CRPPA: variants seen among roughly 807,000 people sequenced by gnomAD.
CRPPA encodes the protein D-ribitol-5-phosphate cytidylyltransferase.
In CRPPA, 43 loss-of-function variants were observed where a neutral mutation model predicts 52.0. The ratio of observed to expected loss-of-function variants is 0.83; its 90% CI spans 0.65 to 1.07. The LOEUF is 1.07. Among genes scored for constraint, CRPPA ranks in the 50% least tolerant of loss-of-function variants. The pLI is 0.00. For synonymous variants in CRPPA, 250 were observed against 203.5 expected, an observed-to-expected ratio of 1.23 and a Z score of -1.94; for missense variants, 629 against 551.7, an observed-to-expected ratio of 1.14 and a Z score of -1.40.
At chr7:16,371,762 A>G (rs1168273269) in intron 3 of CRPPA, among the ~76,000 whole-genome samples, 1 of 152,072 alleles carries the variant, frequency 6.6e-6, no homozygotes. Flanking sequence ...TTATTAAGCT[A>G]TTCAAGGAGA....
intron 9 of CRPPA, among the ~76,000 whole-genome samples, chr7:16,171,057 G>T (rs1435429941): frequency 6.6e-6 from 1 of 152,228 alleles, no homozygotes; most frequent in Admixed American, 6.5e-5. Context: ...CTCAAGCGTG[G>T]TCAGAGTGGA....
At chr7:16,131,777 C>T (rs1782685070) in intron 9 of CRPPA, among the ~76,000 whole-genome samples, 2 of 152,172 alleles carry the variant, frequency 1.3e-5, no homozygotes, top group African/African-American at 4.8e-5. Context: ...GATGGAGTCT[C>T]ACCATGTTGC....
intron 8 of CRPPA, among the ~76,000 whole-genome samples, chr7:16,219,920 G>A (rs986901245): frequency 1.4e-5 from 2 of 147,446 alleles, no homozygotes; most frequent in African/African-American, 5.0e-5. Flanking sequence ...AGAAAAAGAG[G>A]GAATCCTCCC....
chr7:16,331,024 G>C (rs1191721360), intron 3 of CRPPA, among the ~76,000 whole-genome samples: 1 of 152,058 alleles, frequency 6.6e-6, no homozygotes, highest in East Asian at 1.9e-4. Context: ...TTTTGAGATG[G>C]AGTCTCGCTC....
intron 3 of CRPPA, among the ~76,000 whole-genome samples, chr7:16,319,489 T>C (rs1388846408): frequency 1.3e-5 from 2 of 152,170 alleles, no homozygotes; most frequent in Admixed American, 1.3e-4. Flanking sequence ...TCGACTCATT[T>C]TGCAACTCTG....
chr7:16,316,800 TGAACCA>T (rs930506511), intron 3 of CRPPA, among the ~76,000 whole-genome samples: 16 of 152,198 alleles, frequency 1.1e-4, no homozygotes, highest in Admixed American at 3.9e-4. Context: ...GAGGCTGCAG[TGAACCA>T]CAATCACACC....
At chr7:16,238,015 T>C (rs996649605) in intron 8 of CRPPA, among the ~76,000 whole-genome samples, 16 of 152,210 alleles carry the variant, frequency 1.1e-4, no homozygotes, top group African/African-American at 3.9e-4. Context: ...AAACCTTAGA[T>C]GGTAGATAGA....
chr7:16,421,314 G>C lies in CRPPA; in HGVS notation c.9C>G (p.Ala3=). 8.0e-7 allele frequency: 1 copy of C among 1,254,820 alleles called. No homozygotes were observed. The highest frequency in any genetic ancestry group is 1.0e-6 in the Non-Finnish European group (1 of 995,992). The allele number at this position is 1,254,820 out of a possible 1,614,324, so 77.7% of individuals were successfully genotyped here. A position where few individuals can be genotyped will look rare whatever the true frequency, so the allele number is the denominator to read the frequency against. ...CCGGCCTGGCGCTGCCCGGCGGCCC[G>C]GCCTCCATGGCTGCGGGCGGAACGG... ME[A]GPPGSARPAE... Residue 3 remains alanine, a synonymous_variant, in exon 1 of 10, where the codon GCC becomes GCG. Transcript: ENST00000407010.
At chr7:16,216,299 G>C in intron 8 of CRPPA, 102 bp from the exon 9 acceptor site, 1 of 670,936 alleles carries the variant, frequency 1.5e-6, no homozygotes, top group Non-Finnish European at 2.4e-6. Context: ...TTACAATATT[G>C]CAATAATCTT....
chr7:16,131,459 G>T (rs937039787), intron 9 of CRPPA, among the ~76,000 whole-genome samples: 12 of 152,170 alleles, frequency 7.9e-5, no homozygotes, highest in African/African-American at 2.9e-4. Flanking sequence ...TAAAGTGGCT[G>T]CCCCAGGTAC....
chr7:16,364,967 T>C (rs898631747), intron 3 of CRPPA, among the ~76,000 whole-genome samples: 2 of 152,178 alleles, frequency 1.3e-5, no homozygotes, highest in African/African-American at 2.4e-5. Flanking sequence ...TTCAAATTTA[T>C]AGAAAAGTTA....
chr7:16,243,472 T>G (rs1188184137), intron 8 of CRPPA, among the ~76,000 whole-genome samples: 1 of 152,130 alleles, frequency 6.6e-6, no homozygotes, highest in African/African-American at 2.4e-5. Context: ...ATTAAGTTGG[T>G]CAAAGTAATA....
chr7:16,211,907 A>T (rs1203975471), intron 9 of CRPPA, among the ~76,000 whole-genome samples: 2 of 152,232 alleles, frequency 1.3e-5, no homozygotes, highest in Non-Finnish European at 2.9e-5. Context: ...TACGTCATCG[A>T]GTAGAGCAAT....
intron 8 of CRPPA, among the ~76,000 whole-genome samples, chr7:16,219,205 C>A (rs912577438): frequency 2.6e-5 from 4 of 151,496 alleles, no homozygotes; most frequent in African/African-American, 9.7e-5. Context: ...GGATACATAA[C>A]GAAATGAAGG....
intron 2 of CRPPA, among the ~76,000 whole-genome samples, chr7:16,382,464 T>C (rs1787123465): frequency 6.6e-6 from 1 of 152,220 alleles, no homozygotes; most frequent in Admixed American, 6.5e-5. Flanking sequence ...CTGACAATTA[T>C]GTATCTTGGA....
At chr7:16,157,999 T>C (rs1397406659) in intron 9 of CRPPA, among the ~76,000 whole-genome samples, 1 of 151,814 alleles carries the variant, frequency 6.6e-6, no homozygotes, top group Admixed American at 6.6e-5. Flanking sequence ...CTCAGCCTCC[T>C]GAGTAGCTGG....
intron 2 of CRPPA, among the ~76,000 whole-genome samples, chr7:16,386,897 G>A (rs1157627815): frequency 6.6e-6 from 1 of 151,798 alleles, no homozygotes; most frequent in Non-Finnish European, 1.5e-5. Flanking sequence ...GTGAATGCCT[G>A]TAGTCCCAGC....
intron 2 of CRPPA, among the ~76,000 whole-genome samples, chr7:16,396,766 CAT>C (rs1428931267): frequency 6.6e-6 from 1 of 152,182 alleles, no homozygotes; most frequent in East Asian, 1.9e-4. Flanking sequence ...AAACGTGTGA[CAT>C]ACATGTGAAG....
chr7:16,175,842 T>G (rs1315505758), intron 9 of CRPPA, among the ~76,000 whole-genome samples: 2 of 152,182 alleles, frequency 1.3e-5, no homozygotes, highest in African/African-American at 4.8e-5. Flanking sequence ...CCAAAGATTT[T>G]GGCATTTCTA....
Sources: allele counts gnomAD v4.1 joint callset (sites outside exome capture counted in the v4.1 genomes callset), GRCh38; gene constraint gnomAD v4.1.1; transcripts MANE v1.5; gene names NCBI Gene and HGNC (gene_info 2026-07-23, HGNC 2026-07-21).